Variants in PCLO observed in about 807,000 individuals in gnomAD.
PCLO encodes piccolo presynaptic cytomatrix protein.
In PCLO, 82 loss-of-function variants were observed where a neutral mutation model predicts 427.5. That is an observed-to-expected ratio of 0.19 (90% CI 0.16 to 0.23). The LOEUF (loss-of-function observed/expected upper bound fraction) is 0.23, where lower values mean the gene tolerates loss of function less well. PCLO is among the 10% of genes least tolerant of loss of function. The pLI is 1.00. For synonymous variants in PCLO, 2,357 were observed against 2,155.4 expected, an observed-to-expected ratio of 1.09 and a Z score of -2.59; for missense variants, 6,239 against 6,115.9, an observed-to-expected ratio of 1.02 and a Z score of -0.67.
At chr7:83,099,351 CAAAT>C (rs1306365235) in intron 3 of PCLO, among the ~76,000 whole-genome samples, 7 of 146,460 alleles carry the variant, frequency 4.8e-5, no homozygotes, top group African/African-American at 1.8e-4. Flanking sequence ...TTTAAGGAAA[CAAAT>C]AAACAAATAT....
intron 3 of PCLO, among the ~76,000 whole-genome samples, chr7:83,095,166 T>A (rs1432268847): frequency 6.6e-6 from 1 of 152,162 alleles, no homozygotes; most frequent in Admixed American, 6.5e-5. Flanking sequence ...AAATAATCTA[T>A]TTCATATCAT....
At chr7:82,835,813 T>C in intron 15 of PCLO, 120 bp from the exon 16 acceptor site, 2 of 737,490 alleles carry the variant, frequency 2.7e-6, no homozygotes, top group East Asian at 2.7e-5. Context: ...AGAGGAGCTA[T>C]CCCATAACAT....
intron 6 of PCLO, among the ~76,000 whole-genome samples, chr7:82,927,266 G>A (rs187147804): frequency 2.5e-4 from 38 of 152,222 alleles, no homozygotes; most frequent in African/African-American, 7.0e-4. Flanking sequence ...TATAACTAGC[G>A]TAGGTTTAAA....
At chr7:82,930,600 G>C (rs1794818620) in intron 6 of PCLO, among the ~76,000 whole-genome samples, 2 of 151,992 alleles carry the variant, frequency 1.3e-5, no homozygotes, top group South Asian at 2.1e-4. Context: ...TGTTCAAAGA[G>C]GTTATAATAG....
chr7:82,936,185 G>A (rs769374205), intron 6 of PCLO, among the ~76,000 whole-genome samples: 3 of 151,678 alleles, frequency 2.0e-5, no homozygotes, highest in East Asian at 1.9e-4. Context: ...AACAAGTCTC[G>A]ATAAATTTTA....
At chr7:82,978,040 C>T (rs1206035561) in intron 3 of PCLO, among the ~76,000 whole-genome samples, 5 of 151,716 alleles carry the variant, frequency 3.3e-5, no homozygotes, top group Non-Finnish European at 5.9e-5. Flanking sequence ...AGTTTTAGTA[C>T]CATTTGCAAG....
In PCLO at chr7:82,761,369, A is replaced by G; in HGVS notation, c.15132T>C (p.Asp5044=). The change falls in exon 23 of 25, where the codon GAT becomes GAC. Residue 5044 remains aspartate (D), a synonymous_variant. Transcript: ENST00000333891. ...AATAGAATTAGATACCTGGTAGATGATCAGGAGACTTAAATTTGTATGTAA... is the reference window on the plus strand; with the variant it reads ...AATAGAATTAGATACCTGGTAGATGGTCAGGAGACTTAAATTTGTATGTAA... ...RNITYKFKSP[D]HLPDLYVKIY... is the part of the protein sequence containing the mutation. 6.8e-7 allele frequency: 1 copy of G among 1,468,888 alleles called. No homozygotes were observed. Among genetic ancestry groups the G allele is most frequent in the Non-Finnish European group, 9.3e-7 (1 of 1,070,172 alleles). The allele number at this position is 1,468,888 out of a possible 1,614,324, so 91.0% of individuals were successfully genotyped here.
At chr7:82,811,884 T>A (rs1226104333) in intron 20 of PCLO, among the ~76,000 whole-genome samples, 3 of 151,460 alleles carry the variant, frequency 2.0e-5, no homozygotes, top group Admixed American at 6.6e-5. Context: ...AATTTCTTTT[T>A]TAAATGACAA....
rs1788701150 is a variant in PCLO, at chr7:83,032,676, CTT to C, written c.3301-66191_3301-66190del. ...TGATTACCATGCCCACAATGAAACT[CTT>C]TTCATTTATGGTGTCACCATTTTCA... On this transcript the variant is annotated intron_variant, in intron 3 of 24. Transcript: ENST00000333891. Among the ~76,000 whole-genome samples the C allele has an allele frequency of 2.0e-5, 3 of 152,238 alleles. No homozygotes were observed. The East Asian group carries it at 5.8e-4, about 29-fold the overall frequency.
Position 82,879,411 on chromosome 7 carries a change from C to T in PCLO, c.13580G>A (p.Ser4527Asn), listed in dbSNP as rs377297010. 1.2e-6 allele frequency: 2 copies of T among 1,610,048 alleles called. No individual in the cohort carries two copies. The highest frequency in any genetic ancestry group is 1.7e-6 in the Non-Finnish European group (2 of 1,176,962). ...IVGGKEIPGH[S>N]GEIGAYIAKI... ...GGCAATATAGGCTCCAATTTCTCCA[C>T]TATGTCCCGGGATTTCTTTACCACC... The change falls in exon 10 of 25, where the codon AGT becomes AAT. Residue 4527 changes from serine to asparagine, a missense_variant. Ser to Asn is a conservative substitution (Grantham distance 46). Around this residue, in one of 5 missense-constraint regions of PCLO, gnomAD observed 877 missense variants for 925.5 expected, o/e 0.95. Transcript: ENST00000333891.
chr7:82,841,350 A>C (rs1002034268), intron 14 of PCLO, 109 bp downstream of exon 14: 5 of 708,854 alleles, frequency 7.1e-6, no homozygotes, highest in Middle Eastern at 5.1e-4. Context: ...AGTTCTGTAT[A>C]TATTACAGAA....
chr7:82,941,823 G>T lies in PCLO; in HGVS notation c.11112+7653C>A, dbSNP rs549970604. Among the ~76,000 whole-genome samples the T allele has an allele frequency of 6.8e-4, 103 of 152,164 alleles. 6 individuals carry two copies. The South Asian group carries it at 0.021, about 31-fold the overall frequency. On this transcript the variant is annotated intron_variant, in intron 6 of 24. Transcript: ENST00000333891. Reference sequence around the variant, plus strand: ...AGTTGTTTATTCATTTTTCCAGTAAGAATTAATTTAGCATAATATAGAATC... The same window carrying T: ...AGTTGTTTATTCATTTTTCCAGTAATAATTAATTTAGCATAATATAGAATC...
intron 3 of PCLO, among the ~76,000 whole-genome samples, chr7:83,081,097 T>A: frequency 6.6e-6 from 1 of 152,020 alleles, no homozygotes; most frequent in East Asian, 1.9e-4. Flanking sequence ...TTATATTGAT[T>A]TCTGCTTTCA....
chr7:82,939,028 T>C (rs1795019565), intron 6 of PCLO, among the ~76,000 whole-genome samples: 1 of 152,078 alleles, frequency 6.6e-6, no homozygotes, highest in African/African-American at 2.4e-5. Context: ...CATTCCTTTG[T>C]ACTCTGGATG....
At chr7:83,076,643 G>GTTTT (rs200052422) in intron 3 of PCLO, among the ~76,000 whole-genome samples, 9 of 133,962 alleles carry the variant, frequency 6.7e-5, no homozygotes, top group East Asian at 2.1e-4. Context: ...TTTTTTTGCA[G>GTTTT]TTTTTTTTTA....
intron 10 of PCLO, among the ~76,000 whole-genome samples, chr7:82,861,670 G>A (rs1421777311): frequency 1.3e-5 from 2 of 151,892 alleles, no homozygotes; most frequent in African/African-American, 2.4e-5. Flanking sequence ...CAAGAGCTGC[G>A]GAATACACAT....
intron 3 of PCLO, among the ~76,000 whole-genome samples, chr7:83,086,868 C>T (rs1337279632): frequency 6.6e-6 from 1 of 151,822 alleles, no homozygotes; most frequent in Non-Finnish European, 1.5e-5. Flanking sequence ...TTTATATATG[C>T]CATGGAATAC....
chr7:83,005,079 C>CATT (rs71522637), intron 3 of PCLO, among the ~76,000 whole-genome samples: 94,981 of 151,024 alleles, frequency 0.63, 31,369 homozygotes, highest in East Asian at 0.86. Flanking sequence ...TTAGTACAGA[C>CATT]AGAGAAAACA....
At chr7:83,070,327 G>A (rs192432543) in intron 3 of PCLO, among the ~76,000 whole-genome samples, 12 of 151,748 alleles carry the variant, frequency 7.9e-5, no homozygotes, top group East Asian at 7.8e-4. Context: ...ACCTTCTTCC[G>A]ACATTCTTGA....
Sources: allele counts gnomAD v4.1 joint callset (sites outside exome capture counted in the v4.1 genomes callset), GRCh38; gene constraint gnomAD v4.1.1; regional missense constraint gnomAD v4.1.1; transcripts MANE v1.5; gene names NCBI Gene and HGNC (gene_info 2026-07-23, HGNC 2026-07-21).